Variants in ADAMTS18 observed in about 807,000 individuals in gnomAD.
ADAMTS18 encodes the protein ADAM metallopeptidase with thrombospondin type 1 motif 18, also known as A disintegrin and metalloproteinase with thrombospondin motifs 18.
In ADAMTS18, 157 loss-of-function variants were observed where a neutral mutation model predicts 165.9. The observed-to-expected ratio is 0.95, with a 90% CI of 0.83 to 1.08. The LOEUF (loss-of-function observed/expected upper bound fraction) is 1.08, where lower values mean the gene tolerates loss of function less well. Among genes scored for constraint, ADAMTS18 ranks in the 50% least tolerant of loss-of-function variants. ADAMTS18 has a pLI of 0.00. For synonymous variants in ADAMTS18, 782 were observed against 578.2 expected, an observed-to-expected ratio of 1.35 and a Z score of -5.06; for missense variants, 2,040 against 1,534.0, an observed-to-expected ratio of 1.33 and a Z score of -5.51.
chr16:77,367,449 C>T lies in ADAMTS18; in HGVS notation c.770G>A (p.Arg257His), dbSNP rs891093965. 3.7e-6 allele frequency: 6 copies of T among 1,614,044 alleles called. No individual in the cohort carries two copies. Among genetic ancestry groups the T allele is most frequent in the Non-Finnish European group, 4.2e-6 (5 of 1,180,038 alleles). The change falls in exon 4 of 23, where the codon CGC becomes CAC. Residue 257 changes from arginine to histidine, a missense_variant. Physicochemically the swap from Arg to His is conservative, Grantham distance 29. Coordinates refer to ENST00000282849, the MANE Select transcript of ADAMTS18 (RefSeq NM_199355.4). ...RLQKQHFCGR[R>H]KKYAPKPPTE... is the part of the protein sequence containing the mutation. ...AAAGTTTCCTTACATACATTTCTTG[C>T]GTCGTCCACAAAAATGCTGCTTTTG...
chr16:77,411,651 A>G (rs1597242535), intron 3 of ADAMTS18, among the ~76,000 whole-genome samples: 1 of 148,454 alleles, frequency 6.7e-6, no homozygotes, highest in East Asian at 2.0e-4. Context: ...TTATTTGTCA[A>G]CTTGATGGAC....
chr16:77,386,187 G>T (rs528760428), intron 3 of ADAMTS18, among the ~76,000 whole-genome samples: 11 of 152,270 alleles, frequency 7.2e-5, no homozygotes, highest in African/African-American at 2.4e-4. Flanking sequence ...TGTACACTCA[G>T]CAGTAAAAGT....
rs574488221 is a variant in ADAMTS18 at position 77,367,012 on chromosome 16, C to T, written c.778+429G>A. Among the ~76,000 whole-genome samples the T allele has an allele frequency of 1.6e-4, 24 of 152,260 alleles. No individual in the cohort carries two copies. In the South Asian group the frequency reaches 4.8e-3, roughly 30 times the overall value. On this transcript the variant is annotated intron_variant, in intron 4 of 22. Transcript: ENST00000282849. ...CGAAGGTTGTAACTAAGTCACAAAC[C>T]ATGCTCAAGGATACCTGTGTTTCAC... is the stretch of plus-strand genomic sequence containing the variant.
chr16:77,431,313 C>A lies in ADAMTS18; in HGVS notation c.477G>T (p.Val159=). 4.3e-6 allele frequency: 7 copies of A among 1,614,134 alleles called. No individual in the cohort carries two copies. The highest frequency in any genetic ancestry group is 5.9e-6 in the Non-Finnish European group (7 of 1,180,030). ...IRNDSSSSVA[V]STCAGLSGLI... is the part of the protein sequence containing the mutation. ...TACTTACCAAGCCAGCACACGTAGACACAGCGACAGAGGAGGAGCTGTCAT... is the reference window on the plus strand; with the variant it reads ...TACTTACCAAGCCAGCACACGTAGAAACAGCGACAGAGGAGGAGCTGTCAT... The change falls in exon 3 of 23, where the codon GTG becomes GTT. Residue 159 remains valine (V), a synonymous_variant. Transcript: ENST00000282849.
At chr16:77,373,437 C>A (rs566181279) in intron 3 of ADAMTS18, among the ~76,000 whole-genome samples, 9 of 143,490 alleles carry the variant, frequency 6.3e-5, no homozygotes, top group African/African-American at 1.3e-4. Context: ...CCAGCCTGGG[C>A]GGCAGGGCAA....
At chr16:77,297,548 C>T (rs2055498040) in intron 17 of ADAMTS18, 133 bp from the exon 18 acceptor site, 1 of 899,882 alleles carries the variant, frequency 1.1e-6, no homozygotes, top group Non-Finnish European at 1.7e-6. Flanking sequence ...TTGTGGAACG[C>T]TTCCTTTTGA....
chr16:77,379,935 A>G (rs1049593076), intron 3 of ADAMTS18, among the ~76,000 whole-genome samples: 1 of 152,220 alleles, frequency 6.6e-6, no homozygotes, highest in Admixed American at 6.5e-5. Context: ...GATTTGTCCA[A>G]GTAATCCTGA....
chr16:77,297,576 T>A (rs1474638792), intron 17 of ADAMTS18, among the ~76,000 whole-genome samples, 161 bp from the exon 18 acceptor site: 1 of 152,170 alleles, frequency 6.6e-6, no homozygotes, highest in East Asian at 1.9e-4. Flanking sequence ...TGCAACTAAT[T>A]TGAATTCCAT....
chr16:77,379,689 G>C (rs181709870), intron 3 of ADAMTS18, among the ~76,000 whole-genome samples: 1 of 152,082 alleles, frequency 6.6e-6, no homozygotes, highest in Non-Finnish European at 1.5e-5. Context: ...CTGGGTTTTA[G>C]CATGTTGGCC....
rs750254778 is a variant in ADAMTS18, at chr16:77,289,238, T to C, written c.3550+26A>G. 24 of 1,613,872 alleles carry C rather than the reference T, an allele frequency of 1.5e-5. No homozygotes were observed. The South Asian group carries it at 2.2e-4, about 15-fold the overall frequency. On this transcript the variant is annotated intron_variant, in intron 22 of 22. Coordinates refer to ENST00000282849, the MANE Select transcript of ADAMTS18 (RefSeq NM_199355.4). ...AAAAATTATCTAAAGACTAGTAAAG[T>C]TGACTGGAGCATGGTGCCTTTTTAC...
In ADAMTS18 at chr16:77,376,892, G is replaced by A. The variant is rs541139925; in HGVS notation, c.496-9169C>T. Among the ~76,000 whole-genome samples, 3 of 137,572 alleles carry A rather than the reference G, an allele frequency of 2.2e-5. No homozygotes were observed. In the South Asian group the frequency reaches 7.1e-4, roughly 33 times the overall value. 90.3% of individuals were successfully genotyped at this position (137,572 alleles called of 152,430 possible). A position where few individuals can be genotyped will look rare whatever the true frequency, so the allele number is the denominator to read the frequency against. On this transcript the variant is annotated intron_variant, in intron 3 of 22. Transcript: ENST00000282849. ...TGCAGTGGGGTGATCTCAGCTCACT[G>A]AAACCTCTATCTCCCAGGTTCAAGC...
At chr16:77,400,919 A>T (rs568083028) in intron 3 of ADAMTS18, among the ~76,000 whole-genome samples, 1 of 147,532 alleles carries the variant, frequency 6.8e-6, no homozygotes, top group African/African-American at 2.6e-5. Flanking sequence ...CCTCCCAAAT[A>T]AACTACCTGC....
chr16:77,335,964 T>A (rs1174382185), intron 11 of ADAMTS18, 60 bp from the exon 12 acceptor site: 1 of 1,604,390 alleles, frequency 6.2e-7, no homozygotes, highest in East Asian at 2.2e-5. Context: ...GCGCAGGGAG[T>A]TGCCAACACC....
In ADAMTS18 at chr16:77,296,565, C is replaced by T. The variant is rs566403323; in HGVS notation, c.2801+724G>A. Among the ~76,000 whole-genome samples the T allele has an allele frequency of 3.3e-5, 5 of 152,276 alleles. No individual in the cohort carries two copies. The South Asian group carries it at 1.0e-3, about 32-fold the overall frequency. On this transcript the variant is annotated intron_variant, in intron 18 of 22. Transcript: ENST00000282849. ...ATGCAAAGGTTAAAAGAAAAAAGCA[C>T]CTCACGCCTGTAATGCCAGAACTTT...
intron 3 of ADAMTS18, among the ~76,000 whole-genome samples, chr16:77,402,153 G>A (rs887787905): frequency 2.7e-4 from 41 of 152,160 alleles, no homozygotes; most frequent in Non-Finnish European, 4.4e-4. Context: ...ACGGAACGCT[G>A]ACTAATACAC....
At chr16:77,350,530 T>A (rs2056540739) in intron 10 of ADAMTS18, among the ~76,000 whole-genome samples, 1 of 152,232 alleles carries the variant, frequency 6.6e-6, no homozygotes, top group Non-Finnish European at 1.5e-5. Flanking sequence ...AGGTGAACTC[T>A]AAGGCTAAGG....
At chr16:77,387,826 T>C (rs1270856426) in intron 3 of ADAMTS18, among the ~76,000 whole-genome samples, 1 of 152,240 alleles carries the variant, frequency 6.6e-6, no homozygotes, top group African/African-American at 2.4e-5. Flanking sequence ...CAACCTTTTC[T>C]ATCCAGGAGT....
At chr16:77,401,802 A>ATC (rs1246157263) in intron 3 of ADAMTS18, among the ~76,000 whole-genome samples, 1 of 152,162 alleles carries the variant, frequency 6.6e-6, no homozygotes, top group Non-Finnish European at 1.5e-5. Flanking sequence ...GATGAATTTG[A>ATC]TCTCTCTCTC....
At chr16:77,335,707 G>C in intron 12 of ADAMTS18, 49 bp downstream of exon 12, 1 of 1,609,350 alleles carries the variant, frequency 6.2e-7, no homozygotes. Context: ...GCGTGTTACA[G>C]GCTGAAGGTT....
Sources: allele counts gnomAD v4.1 joint callset (sites outside exome capture counted in the v4.1 genomes callset), GRCh38; gene constraint gnomAD v4.1.1; transcripts MANE v1.5; gene names NCBI Gene and HGNC (gene_info 2026-07-23, HGNC 2026-07-21).